The following MYO16 variants were observed in gnomAD, a reference collection of about 807,000 sequenced individuals.
The protein encoded by MYO16 is myosin XVI.
In MYO16, 94 loss-of-function variants were observed where a neutral mutation model predicts 205.3. The ratio of observed to expected loss-of-function variants is 0.46; its 90% confidence interval spans 0.39 to 0.54. The LOEUF is 0.54. Ranked by LOEUF, MYO16 falls within the 20% of genes least tolerant of loss-of-function variation. The probability of loss-of-function intolerance (pLI) is 0.00; values close to 1 mark genes in which losing one functional copy is unlikely to be tolerated. For missense variants in MYO16, 2,315 were observed against 2,387.5 expected (o/e 0.97, Z 0.63); for synonymous variants, 988 against 954.0 (o/e 1.04, Z -0.66).
At chr13:108,975,997 C>G (rs1340593780) in intron 20 of MYO16, among the ~76,000 whole-genome samples, 1 of 152,088 alleles carries the variant, frequency 6.6e-6, no homozygotes, top group South Asian at 2.1e-4. Context: ...ATGCAATTCA[C>G]CCTTAACATT....
chr13:108,696,977 T>TAA (rs11462001), intron 2 of MYO16, among the ~76,000 whole-genome samples: 205 of 145,192 alleles, frequency 1.4e-3, no homozygotes, highest in African/African-American at 3.2e-3. Context: ...ATTCAAGCAT[T>TAA]AAAAAAAAAA....
intron 1 of MYO16, among the ~76,000 whole-genome samples, chr13:108,616,437 G>A (rs1879352505): frequency 6.6e-6 from 1 of 152,042 alleles, no homozygotes; most frequent in South Asian, 2.1e-4. Flanking sequence ...AGAGAACTGT[G>A]GATGGTATCA....
chr13:108,530,725 C>T, the MYO16 span, among the ~76,000 whole-genome samples: 5 of 152,048 alleles, frequency 3.3e-5, no homozygotes, highest in African/African-American at 1.2e-4. Flanking sequence ...ATCATATATA[C>T]AATATAATGT....
the MYO16 span, among the ~76,000 whole-genome samples, chr13:108,552,821 A>G: frequency 6.6e-6 from 1 of 152,048 alleles, no homozygotes; most frequent in East Asian, 1.9e-4. Flanking sequence ...GCCCAAGGTC[A>G]AGGTGATGCA....
chr13:108,584,037 T>A, the MYO16 span, among the ~76,000 whole-genome samples: 1 of 152,188 alleles, frequency 6.6e-6, no homozygotes, highest in Admixed American at 6.6e-5. Flanking sequence ...CACTGCAAGC[T>A]CTGCCTCCCA....
chr13:108,944,182 G>C (rs1882846253), intron 16 of MYO16, among the ~76,000 whole-genome samples: 1 of 152,116 alleles, frequency 6.6e-6, no homozygotes, highest in African/African-American at 2.4e-5. Context: ...AGTGCTTGTT[G>C]TAAGAACATT....
chr13:109,185,291 A>G (rs896665977), intron 34 of MYO16, among the ~76,000 whole-genome samples: 26 of 152,254 alleles, frequency 1.7e-4, no homozygotes, highest in African/African-American at 5.3e-4. Flanking sequence ...AGAATCCCAG[A>G]TTCATCATTC....
chr13:109,069,881 A>C (rs1015369731), intron 27 of MYO16, among the ~76,000 whole-genome samples: 1 of 152,142 alleles, frequency 6.6e-6, no homozygotes, highest in Admixed American at 6.6e-5. Flanking sequence ...GATGTGGCTA[A>C]TCCAGGGCCT....
chr13:108,861,327 T>G (rs527244308), intron 11 of MYO16, among the ~76,000 whole-genome samples: 1 of 152,338 alleles, frequency 6.6e-6, no homozygotes, highest in East Asian at 1.9e-4. Flanking sequence ...GTTTCTAATA[T>G]TCAGCTATAC....
At chr13:108,710,857 C>A (rs571016548) in intron 2 of MYO16, among the ~76,000 whole-genome samples, 1 of 152,296 alleles carries the variant, frequency 6.6e-6, no homozygotes, top group African/African-American at 2.4e-5. Context: ...TATGCTATTT[C>A]TTTGCAGAAT....
At chr13:108,553,729 G>A in the MYO16 span, among the ~76,000 whole-genome samples, 1 of 152,068 alleles carries the variant, frequency 6.6e-6, no homozygotes, top group Non-Finnish European at 1.5e-5. Context: ...AAATATTCTG[G>A]TGTCACTTCA....
intron 23 of MYO16, among the ~76,000 whole-genome samples, chr13:109,042,750 C>T (rs1361616211): frequency 2.0e-5 from 3 of 152,160 alleles, no homozygotes; most frequent in Admixed American, 2.0e-4. Flanking sequence ...TTATTTAACA[C>T]ATTAAGAAAG....
At chr13:108,646,379 C>T (rs1419805545) in intron 1 of MYO16, among the ~76,000 whole-genome samples, 1 of 152,086 alleles carries the variant, frequency 6.6e-6, no homozygotes, top group Non-Finnish European at 1.5e-5. Flanking sequence ...TTAGTTGACT[C>T]AATTCAAACT....
At chr13:108,569,929 T>C in the MYO16 span, among the ~76,000 whole-genome samples, 1 of 152,192 alleles carries the variant, frequency 6.6e-6, no homozygotes, top group African/African-American at 2.4e-5. Context: ...CATAAATTAA[T>C]TGTTGATTGA....
chr13:108,726,419 T>A (rs1261164225), intron 3 of MYO16, among the ~76,000 whole-genome samples: 18 of 151,744 alleles, frequency 1.2e-4, no homozygotes, highest in Admixed American at 1.2e-3. Flanking sequence ...ATTAGCTGGG[T>A]GTGGTGGCAT....
At chr13:108,690,222 A>G (rs1882838825) in intron 2 of MYO16, among the ~76,000 whole-genome samples, 1 of 151,906 alleles carries the variant, frequency 6.6e-6, no homozygotes, top group African/African-American at 2.4e-5. Flanking sequence ...TGCAACCATC[A>G]ACAACTGAAC....
chr13:108,670,167 C>T (rs1318463278), intron 2 of MYO16, among the ~76,000 whole-genome samples: 20 of 152,150 alleles, frequency 1.3e-4, no homozygotes, highest in Admixed American at 1.3e-3. Flanking sequence ...ATTGATGGAG[C>T]AAGCCTGTGC....
intron 27 of MYO16, among the ~76,000 whole-genome samples, chr13:109,099,807 T>C (rs1278548534): frequency 2.0e-5 from 3 of 152,202 alleles, no homozygotes; most frequent in African/African-American, 7.2e-5. Context: ...TAAAGATGTG[T>C]AGGCAAAACA....
intron 4 of MYO16, among the ~76,000 whole-genome samples, chr13:108,736,132 G>A (rs1408533886): frequency 1.3e-5 from 2 of 152,124 alleles, no homozygotes; most frequent in Non-Finnish European, 2.9e-5. Context: ...TTGCTGTGCA[G>A]GAGCTCTTTT....
Sources: allele counts gnomAD v4.1 joint callset (sites outside exome capture counted in the v4.1 genomes callset), GRCh38; gene constraint gnomAD v4.1.1; transcripts MANE v1.5; gene names NCBI Gene and HGNC (gene_info 2026-07-23, HGNC 2026-07-21).